PSG8: variants seen among roughly 807,000 people sequenced by gnomAD.
The protein encoded by PSG8 is pregnancy specific beta-1-glycoprotein 8, also known as pregnancy-specific beta-1-glycoprotein 8.
PSG8 carries 57 observed loss-of-function variants against 42.5 expected under a neutral mutation model. The ratio of observed to expected loss-of-function variants is 1.34; its 90% confidence interval spans 1.08 to 1.67. The LOEUF (loss-of-function observed/expected upper bound fraction) is 1.67, where lower values mean the gene tolerates loss of function less well. PSG8 is among the 40% of genes most tolerant of loss of function. The pLI is 0.00. For synonymous variants in PSG8, 280 were observed against 196.8 expected (o/e 1.42, Z -3.54); for missense variants, 783 against 518.6 (o/e 1.51, Z -4.95).
chr19:42,764,361 T>A (rs1006723293), intron 1 of PSG8, 80 bp from the exon 2 acceptor site: 2 of 1,539,654 alleles, frequency 1.3e-6, no homozygotes, highest in Non-Finnish European at 1.7e-6. Context: ...TCCTGAGAAG[T>A]TCTCTTCAGT....
chr19:42,758,209 T>A lies in PSG8; in HGVS notation c.502A>T (p.Thr168Ser), dbSNP rs116389883. The change falls in exon 3 of 5, where the codon ACC becomes TCC. Residue 168 changes from threonine (T) to serine (S), a missense_variant. Thr to Ser is a moderately conservative substitution (Grantham distance 58). Coordinates refer to ENST00000306511, the MANE Select transcript of PSG8 (RefSeq NM_182707.3). ...GCGTCCGGAGTCTCAGGATCACAGG[T>A]TAAGCTCACAGCCTCCATGGCCTCC... ...PREAMEAVSL[T>S]CDPETPDASY... is the part of the protein sequence containing the mutation. 103 of 1,613,968 alleles carry A rather than the reference T, an allele frequency of 6.4e-5. No homozygotes were observed. The East Asian group carries it at 2.0e-3, about 32-fold the overall frequency.
intron 3 of PSG8, among the ~76,000 whole-genome samples, chr19:42,757,114 T>C (rs1969946199): frequency 6.6e-6 from 1 of 152,164 alleles, no homozygotes; most frequent in Non-Finnish European, 1.5e-5. Context: ...ACTGAAATTC[T>C]TTCCTTAATT....
At chr19:42,759,932 A>G (rs549347472) in intron 2 of PSG8, among the ~76,000 whole-genome samples, 1 of 152,286 alleles carries the variant, frequency 6.6e-6, no homozygotes, top group South Asian at 2.1e-4. Context: ...TTAAGTAGAG[A>G]GAGTCCCGTT....
chr19:42,760,774 A>G (rs1163487822), intron 2 of PSG8, among the ~76,000 whole-genome samples: 5 of 151,932 alleles, frequency 3.3e-5, no homozygotes, highest in Non-Finnish European at 4.4e-5. Flanking sequence ...AGTAGAGACG[A>G]GGTTTCACCA....
chr19:42,758,021 T>C lies in PSG8; in HGVS notation c.690A>G (p.Pro230=). The C allele has an allele frequency of 6.2e-7, 1 of 1,613,984 alleles. No homozygotes were observed. The change falls in exon 3 of 5, where the codon CCA becomes CCG. Residue 230 remains proline (P), a synonymous_variant. Transcript: ENST00000306511. ...RNPVSASRSD[P]FTLNLLPKLP... is the part of the protein sequence containing the mutation. The stretch of plus-strand genomic sequence containing the variant: ...ACTCACGGAGGAGATTCAGGGTGAA[T>C]GGGTCACTGCGGCTGGCACTCACTG...
chr19:42,756,448 A>G (rs1381883244), intron 3 of PSG8, among the ~76,000 whole-genome samples: 7 of 152,094 alleles, frequency 4.6e-5, no homozygotes, highest in Non-Finnish European at 7.4e-5. Flanking sequence ...ACTTAGGACA[A>G]AAAGTGTTTT....
chr19:42,765,179 G>T (rs1239037751), intron 1 of PSG8, among the ~76,000 whole-genome samples: 1 of 148,192 alleles, frequency 6.7e-6, no homozygotes, highest in African/African-American at 2.5e-5. Context: ...TTGAGATGGA[G>T]TCTCATACTG....
At chr19:42,755,554 C>G in intron 3 of PSG8, 1 of 616,852 alleles carries the variant, frequency 1.6e-6, no homozygotes, top group Non-Finnish European at 2.6e-6. Context: ...TGGTATCCCT[C>G]CCAGTCCCTC....
rs746544244 is a variant in PSG8 at position 42,763,997 on chromosome 19, C to T, written c.349G>A (p.Ala117Thr). The T allele has an allele frequency of 2.5e-5, 40 of 1,611,044 alleles. No individual in the cohort carries two copies. The highest frequency in any genetic ancestry group is 5.4e-5 in the African/African-American group (4 of 74,110). ...LLIQNVTQED[A>T]GSYTLHIIMG... ...ATGATGTGTAAGGTGTAGGATCCTG[C>T]GTCTTCCTGGGTGACATTCTGGATC... is the stretch of plus-strand genomic sequence containing the variant. Residue 117 changes from alanine (A) to threonine (T), a missense_variant, in exon 2 of 5, where the codon GCA becomes ACA. By Grantham distance (58) the Ala-to-Thr change is moderately conservative. Coordinates refer to ENST00000306511, the MANE Select transcript of PSG8 (RefSeq NM_182707.3).
intron 2 of PSG8, among the ~76,000 whole-genome samples, chr19:42,761,461 G>C (rs1160667761): frequency 2.6e-5 from 4 of 152,136 alleles, no homozygotes; most frequent in African/African-American, 9.7e-5. Context: ...TGCTCCTATA[G>C]ATAACATCAC....
At chr19:42,761,820 A>ATTTTTTTTTTTTTTTTTTTTTTTTT (rs58868359) in intron 2 of PSG8, among the ~76,000 whole-genome samples, 10 of 70,396 alleles carry the variant, frequency 1.4e-4, no homozygotes, top group South Asian at 6.9e-4. Flanking sequence ...CATTTCAATA[A>ATTTTTTTTTTTTTTTTTTTTTTTTT]TTTTTTTTTT....
At chr19:42,753,762 C>T (rs987580220), downstream of PSG8, among the ~76,000 whole-genome samples, 6 of 152,126 alleles carry the variant, frequency 3.9e-5, no homozygotes, top group African/African-American at 9.7e-5. Context: ...TATAACATCC[C>T]AGTCAAAGCC....
At chr19:42,763,326 G>A (rs971319111) in intron 2 of PSG8, among the ~76,000 whole-genome samples, 1 of 152,110 alleles carries the variant, frequency 6.6e-6, no homozygotes, top group African/African-American at 2.4e-5. Flanking sequence ...CACTCTGAGT[G>A]TCAGGTGAAG....
At chr19:42,754,008 T>C (rs768141173), downstream of PSG8, 4 of 790,048 alleles carry the variant, frequency 5.1e-6, no homozygotes, top group East Asian at 1.4e-4. Flanking sequence ...AAAAATTCCG[T>C]CAATGTAGAA....
At position 42,755,194 on chromosome 19, in the gene PSG8, G is replaced by A. The variant is rs759047700; in HGVS notation, c.782C>T (p.Thr261Ile). Residue 261 changes from threonine to isoleucine, a missense_variant, in exon 4 of 5, where the codon ACC (threonine) becomes ATC (isoleucine). Coordinates refer to ENST00000306511, the MANE Select transcript of PSG8 (RefSeq NM_182707.3). ...GTAGTTCTCACTCTTAGGTTCACAGGTGAAGTTTAAGACATCCTTATTCTC... is the reference window on the plus strand; with the variant it reads ...GTAGTTCTCACTCTTAGGTTCACAGATGAAGTTTAAGACATCCTTATTCTC... ...PRENKDVLNF[T>I]CEPKSENYTY... 1 of 1,611,842 alleles carries A rather than the reference G, an allele frequency of 6.2e-7. No individual in the cohort carries two copies. Among genetic ancestry groups the A allele is most frequent in the Non-Finnish European group, 8.5e-7 (1 of 1,179,766 alleles).
rs755183019 is a variant in PSG8, at chr19:42,754,478, C to A, written c.1098G>T (p.Trp366Cys). 5.0e-6 allele frequency: 8 copies of A among 1,613,858 alleles called. No homozygotes were observed. The Admixed American group carries it at 1.3e-4, about 27-fold the overall frequency. The stretch of plus-strand genomic sequence containing the variant: ...ATAGCTGAAACTTCCCATTAATTGT[C>A]CAAGAATACTGTGCCGGTGGGTTAG... ...ADSNPPAQYSWTINGKFQLSG... is the reference protein window; with the variant it reads ...ADSNPPAQYSCTINGKFQLSG... Residue 366 changes from tryptophan (W) to cysteine (C), a missense_variant, in exon 5 of 5, where the codon TGG (tryptophan) becomes TGT (cysteine). Trp to Cys is a radical substitution (Grantham distance 215, BLOSUM62 -2). Coordinates refer to ENST00000306511, the MANE Select transcript of PSG8 (RefSeq NM_182707.3).
intron 3 of PSG8, 108 bp from the exon 4 acceptor site, chr19:42,755,374 T>C: frequency 6.5e-7 from 1 of 1,546,102 alleles, no homozygotes; most frequent in South Asian, 1.3e-5. Flanking sequence ...ACCCGAGTCC[T>C]TGAAAGCCAA....
intron 2 of PSG8, among the ~76,000 whole-genome samples, chr19:42,763,289 C>G (rs1032332738): frequency 3.9e-5 from 6 of 152,100 alleles, no homozygotes; most frequent in Non-Finnish European, 2.9e-5. Flanking sequence ...GTCTGATGGC[C>G]TACAAAGCTT....
chr19:42,755,648 A>C, intron 3 of PSG8: 1 of 320,010 alleles, frequency 3.1e-6, no homozygotes, highest in East Asian at 6.5e-5. Flanking sequence ...TCCATCCTAC[A>C]TTGTCCCCCT....
Sources: allele counts gnomAD v4.1 joint callset (sites outside exome capture counted in the v4.1 genomes callset), GRCh38; gene constraint gnomAD v4.1.1; transcripts MANE v1.5; gene names NCBI Gene and HGNC (gene_info 2026-07-23, HGNC 2026-07-21).